The following MGMT variants were observed in gnomAD, a reference collection of about 807,000 sequenced individuals.
The protein encoded by MGMT is O-6-methylguanine-DNA methyltransferase.
A neutral mutation model predicts 15.9 loss-of-function variants in MGMT; 14 were observed. That is an observed-to-expected ratio of 0.88 (90% CI 0.58 to 1.37). MGMT has a LOEUF of 1.37. Ranked by LOEUF, MGMT falls within the 40% of genes most tolerant of loss-of-function variation. MGMT has a pLI of 0.00. For synonymous variants in MGMT, 130 were observed against 118.2 expected, an observed-to-expected ratio of 1.10 and a Z score of -0.65; for missense variants, 282 against 268.1, an observed-to-expected ratio of 1.05 and a Z score of -0.36.
Position 129,766,922 on chromosome 10 carries a change from G to A in MGMT, c.549G>A (p.Gly183=). ...GHRLGKPGLG[G]SSGLAGAWLK... ...GGTTGGGGAAGCCAGGCTTGGGAGG[G>A]AGCTCAGGTCTGGCAGGGGCCTGGC... Residue 183 remains glycine, a synonymous_variant, in exon 5 of 5, where the codon GGG becomes GGA. Coordinates refer to ENST00000651593, the MANE Select transcript of MGMT (RefSeq NM_002412.5). The A allele has an allele frequency of 6.2e-7, 1 of 1,613,442 alleles. No individual in the cohort carries two copies. The highest frequency in any genetic ancestry group is 8.5e-7 in the Non-Finnish European group (1 of 1,180,008).
intron 2 of MGMT, among the ~76,000 whole-genome samples, chr10:129,684,190 C>G (rs938607556): frequency 3.3e-5 from 5 of 152,260 alleles, no homozygotes; most frequent in African/African-American, 9.6e-5. Flanking sequence ...AGCAAGTGTA[C>G]TTGCAAATTT....
rs144921090 is a variant in MGMT at position 129,689,757 on chromosome 10, A to G, written c.126-18138A>G. 6.7e-3 allele frequency among the ~76,000 whole-genome samples: 1,020 copies of G among 152,314 alleles called. 18 individuals carry two copies. Among genetic ancestry groups the G allele is most frequent in the African/African-American group, 0.023 (941 of 41,566 alleles). On this transcript the variant is annotated intron_variant, in intron 2 of 4. Transcript: ENST00000651593. ...TCCAACTCTGATCAGCTTGGCCAAG[A>G]CTAGACTTGACAAGTTTGCTCTGAA...
chr10:129,582,234 C>G (rs1006613672), intron 2 of MGMT, among the ~76,000 whole-genome samples: 6 of 152,238 alleles, frequency 3.9e-5, no homozygotes, highest in Admixed American at 3.9e-4. Context: ...TTCTGCCCGA[C>G]ATGTACTCCA....
At chr10:129,484,788 A>G (rs1035212258) in intron 1 of MGMT, among the ~76,000 whole-genome samples, 19 of 152,224 alleles carry the variant, frequency 1.2e-4, no homozygotes, top group Middle Eastern at 3.4e-3. Context: ...CTTTCAAGGT[A>G]TCATGCTTTT....
chr10:129,542,559 C>T (rs1846053921), intron 2 of MGMT, among the ~76,000 whole-genome samples: 1 of 152,174 alleles, frequency 6.6e-6, no homozygotes. Flanking sequence ...GGACTTTTAC[C>T]TGCGGCAAGT....
chr10:129,492,769 T>G (rs2119659798), intron 1 of MGMT, among the ~76,000 whole-genome samples: 2 of 152,350 alleles, frequency 1.3e-5, no homozygotes, highest in South Asian at 4.1e-4. Context: ...TATAACATTT[T>G]AAAAGACGAG....
chr10:129,683,009 C>A (rs80312298), intron 2 of MGMT, among the ~76,000 whole-genome samples: 1 of 152,134 alleles, frequency 6.6e-6, no homozygotes, highest in African/African-American at 2.4e-5. Flanking sequence ...CCACCATGTC[C>A]GGCTAATTTT....
chr10:129,640,524 A>G (rs1411626482), intron 2 of MGMT, among the ~76,000 whole-genome samples: 1 of 152,344 alleles, frequency 6.6e-6, no homozygotes, highest in East Asian at 1.9e-4. Flanking sequence ...AGTTGTCTTC[A>G]TTGGGGAATT....
At chr10:129,730,867 A>G (rs1848488186) in intron 3 of MGMT, among the ~76,000 whole-genome samples, 1 of 152,226 alleles carries the variant, frequency 6.6e-6, no homozygotes, top group Non-Finnish European at 1.5e-5. Flanking sequence ...CAGGACAGTC[A>G]CAGTTTAATC....
chr10:129,563,022 A>C lies in MGMT; in HGVS notation c.125+26645A>C, dbSNP rs983666731. On this transcript the variant is annotated intron_variant, in intron 2 of 4. Coordinates refer to ENST00000651593, the MANE Select transcript of MGMT (RefSeq NM_002412.5). Reference sequence around the variant, plus strand: ...CAGTATTGAATAAAGGACATGACACAGTCACCACTTTATTATAAAATAGGC... The same window carrying C: ...CAGTATTGAATAAAGGACATGACACCGTCACCACTTTATTATAAAATAGGC... 1.3e-5 allele frequency among the ~76,000 whole-genome samples: 2 copies of C among 152,212 alleles called. 1 individual carries two copies. The highest frequency in any genetic ancestry group is 4.8e-5 in the African/African-American group (2 of 41,466).
chr10:129,507,814 G>A (rs995803998), intron 1 of MGMT, among the ~76,000 whole-genome samples: 6 of 152,252 alleles, frequency 3.9e-5, no homozygotes, highest in East Asian at 3.9e-4. Context: ...AAACCTTTCC[G>A]TCTCCCAAAA....
chr10:129,560,668 G>A (rs1024653012), intron 2 of MGMT, among the ~76,000 whole-genome samples: 1 of 152,162 alleles, frequency 6.6e-6, no homozygotes, highest in Non-Finnish European at 1.5e-5. Flanking sequence ...TGACAATTCA[G>A]CGTTAAAGTT....
intron 4 of MGMT, among the ~76,000 whole-genome samples, chr10:129,762,852 T>C (rs1489430381): frequency 2.0e-5 from 3 of 151,990 alleles, no homozygotes; most frequent in African/African-American, 7.3e-5. Context: ...GCTGAACCAT[T>C]TGACCAGAAG....
intron 2 of MGMT, among the ~76,000 whole-genome samples, chr10:129,601,078 C>T (rs1177870558): frequency 6.7e-6 from 1 of 150,038 alleles, no homozygotes; most frequent in Non-Finnish European, 1.5e-5. Flanking sequence ...CATTTTTCAT[C>T]TGAAAGCATT....
intron 2 of MGMT, among the ~76,000 whole-genome samples, chr10:129,681,965 A>G (rs535814458): frequency 1.3e-5 from 2 of 152,344 alleles, no homozygotes; most frequent in African/African-American, 4.8e-5. Flanking sequence ...GGAGATACGT[A>G]GGACCATAAG....
At chr10:129,612,983 C>G (rs12250002) in intron 2 of MGMT, among the ~76,000 whole-genome samples, 38,779 of 151,988 alleles carry the variant, frequency 0.26, 5,183 homozygotes, top group Non-Finnish European at 0.28. Flanking sequence ...CAGTTACTCA[C>G]CATGTTATAG....
chr10:129,625,747 A>G (rs1253487151), intron 2 of MGMT, among the ~76,000 whole-genome samples: 1 of 148,176 alleles, frequency 6.7e-6, no homozygotes, highest in Non-Finnish European at 1.5e-5. Context: ...GTGTGTGTGC[A>G]TGCATGTATG....
At chr10:129,602,181 ATACATT>A (rs1846831142) in intron 2 of MGMT, among the ~76,000 whole-genome samples, 1 of 152,212 alleles carries the variant, frequency 6.6e-6, no homozygotes, top group African/African-American at 2.4e-5. Flanking sequence ...ACAGAATCAT[ATACATT>A]TAAAATCTTC....
rs1491517260 is a variant in MGMT at position 129,659,357 on chromosome 10, TGG to T, written c.126-48537_126-48536del. Among the ~76,000 whole-genome samples, 2 of 113,404 alleles carry T rather than the reference TGG, an allele frequency of 1.8e-5. No homozygotes were observed. The highest frequency in any genetic ancestry group is 1.6e-4 in the African/African-American group (2 of 12,900). The allele number at this position is 113,404 out of a possible 152,430, so 74.4% of individuals were successfully genotyped here. A position where few individuals can be genotyped will look rare whatever the true frequency, so the allele number is the denominator to read the frequency against. On this transcript the variant is annotated intron_variant, in intron 2 of 4. Transcript: ENST00000651593. This position sits in a 1 kb window ranked among gnomAD's most constrained non-coding sequence, Gnocchi z 4.1. ...GGGTGGCAGAGCGAGACTCCCTGTG[TGG>T]AAAAAAAAAAAAAAGATACTCAGAT...
Sources: allele counts gnomAD v4.1 joint callset (sites outside exome capture counted in the v4.1 genomes callset), GRCh38; gene constraint gnomAD v4.1.1; non-coding constraint Gnocchi (gnomAD v3.1); transcripts MANE v1.5; gene names NCBI Gene and HGNC (gene_info 2026-07-23, HGNC 2026-07-21).